HHAT: variants seen among roughly 807,000 people sequenced by gnomAD.
The protein encoded by HHAT is hedgehog acyltransferase.
In HHAT, 47 loss-of-function variants were observed where a neutral mutation model predicts 70.8. The ratio of observed to expected loss-of-function variants is 0.66; its 90% CI spans 0.53 to 0.85. The LOEUF is 0.85. Among genes scored for constraint, HHAT ranks in the 40% least tolerant of loss-of-function variants. HHAT has a pLI of 0.00. For missense variants in HHAT, 609 were observed against 604.8 expected, an observed-to-expected ratio of 1.01 and a Z score of -0.07; for synonymous variants, 228 against 247.6, an observed-to-expected ratio of 0.92 and a Z score of 0.74.
chr1:210,485,889 C>T (rs981087038), intron 8 of HHAT, among the ~76,000 whole-genome samples: 1 of 152,134 alleles, frequency 6.6e-6, no homozygotes, highest in Non-Finnish European at 1.5e-5. Flanking sequence ...CCATGTCAGT[C>T]TCAGACTGTA....
chr1:210,551,868 CA>C (rs1459818951), intron 9 of HHAT, among the ~76,000 whole-genome samples: 2 of 152,172 alleles, frequency 1.3e-5, no homozygotes, highest in Non-Finnish European at 2.9e-5. Context: ...AAAGTGAACC[CA>C]AGATTTTTAT....
intron 7 of HHAT, chr1:210,462,322 C>T (rs61828071): frequency 0.41 from 62,750 of 152,022 alleles, 13,866 homozygotes; most frequent in African/African-American, 0.58. Flanking sequence ...AAGCATTGTG[C>T]GCTTTAATCA....
chr1:210,503,328 C>G (rs76354655), intron 8 of HHAT, among the ~76,000 whole-genome samples: 2,188 of 152,242 alleles, frequency 0.014, 27 homozygotes, highest in Middle Eastern at 0.027. Context: ...GTTTAATTGT[C>G]CTACTAGAAC....
intron 7 of HHAT, among the ~76,000 whole-genome samples, chr1:210,447,612 T>C (rs1464592430): frequency 6.6e-6 from 1 of 152,174 alleles, no homozygotes; most frequent in Non-Finnish European, 1.5e-5. Flanking sequence ...GGTTCAGCAA[T>C]TTGCTTTGTC....
At chr1:210,549,064 T>G (rs2148678113) in intron 9 of HHAT, among the ~76,000 whole-genome samples, 1 of 152,370 alleles carries the variant, frequency 6.6e-6, no homozygotes, top group South Asian at 2.1e-4. Context: ...TGCCACTTAC[T>G]ACTTTGGGCA....
intron 3 of HHAT, among the ~76,000 whole-genome samples, chr1:210,369,541 G>A (rs566827630): frequency 6.1e-4 from 93 of 152,306 alleles, no homozygotes; most frequent in Admixed American, 1.1e-3. Flanking sequence ...ATTCCATTTT[G>A]ACTCATTTAA....
chr1:210,641,598 A>C (rs1042117608), intron 11 of HHAT, among the ~76,000 whole-genome samples: 17 of 152,242 alleles, frequency 1.1e-4, no homozygotes, highest in African/African-American at 3.6e-4. Flanking sequence ...GCAAATTTCC[A>C]TTATGATTGA....
intron 11 of HHAT, among the ~76,000 whole-genome samples, chr1:210,630,289 G>A (rs1302746203): frequency 2.0e-5 from 3 of 152,134 alleles, no homozygotes; most frequent in African/African-American, 7.2e-5. Flanking sequence ...AGGTCTGGGG[G>A]CTTAGAGGGT....
At chr1:210,627,738 T>C (rs60717945) in intron 11 of HHAT, among the ~76,000 whole-genome samples, 4,057 of 152,226 alleles carry the variant, frequency 0.027, 177 homozygotes, top group African/African-American at 0.093. Flanking sequence ...ATGTTTTTGC[T>C]TTAAAAAAAA....
intron 10 of HHAT, among the ~76,000 whole-genome samples, chr1:210,600,828 G>A (rs975923129): frequency 2.0e-5 from 3 of 152,004 alleles, no homozygotes; most frequent in African/African-American, 4.8e-5. Context: ...GCTGCTTGTC[G>A]ATTATTCCTA....
At chr1:210,449,231 C>T (rs1036746238) in intron 7 of HHAT, among the ~76,000 whole-genome samples, 1 of 152,070 alleles carries the variant, frequency 6.6e-6, no homozygotes, top group African/African-American at 2.4e-5. Flanking sequence ...CTCTATCTAG[C>T]TCCTTTTTCT....
chr1:210,638,502 T>G (rs1354190323), intron 11 of HHAT, among the ~76,000 whole-genome samples: 1 of 152,154 alleles, frequency 6.6e-6, no homozygotes, highest in Non-Finnish European at 1.5e-5. Flanking sequence ...GAATAGTAGT[T>G]GTCTGGAACT....
At chr1:210,379,143 T>A (rs2090446335) in intron 3 of HHAT, among the ~76,000 whole-genome samples, 1 of 152,218 alleles carries the variant, frequency 6.6e-6, no homozygotes, top group South Asian at 2.1e-4. Context: ...AGGGCTCTGG[T>A]GCCACATCTG....
intron 3 of HHAT, among the ~76,000 whole-genome samples, chr1:210,384,507 C>A (rs1265005771): frequency 6.6e-6 from 1 of 151,020 alleles, no homozygotes; most frequent in Non-Finnish European, 1.5e-5. Flanking sequence ...CAGGCCCCAC[C>A]CTTGATTGAC....
chr1:210,641,319 A>G (rs1672929731), intron 11 of HHAT, among the ~76,000 whole-genome samples: 1 of 152,140 alleles, frequency 6.6e-6, no homozygotes, highest in Admixed American at 6.5e-5. Context: ...AAAATTGAAG[A>G]CACCTGTTTA....
intron 9 of HHAT, among the ~76,000 whole-genome samples, chr1:210,587,532 G>T (rs1197802362): frequency 6.6e-6 from 1 of 152,204 alleles, no homozygotes; most frequent in African/African-American, 2.4e-5. Context: ...TGCCTTGAAG[G>T]TTGCTGGCCT....
intron 7 of HHAT, among the ~76,000 whole-genome samples, chr1:210,450,607 CTT>C (rs35916715): frequency 2.3e-4 from 32 of 140,834 alleles, no homozygotes; most frequent in Non-Finnish European, 2.5e-4. Flanking sequence ...CATTGTAAAT[CTT>C]TTTTTTTTTT....
intron 11 of HHAT, among the ~76,000 whole-genome samples, chr1:210,654,861 T>C (rs1408803497): frequency 1.3e-5 from 2 of 152,118 alleles, no homozygotes; most frequent in African/African-American, 2.4e-5. Flanking sequence ...ACAGGGAGGG[T>C]ACTATCACAG....
intron 3 of HHAT, among the ~76,000 whole-genome samples, chr1:210,365,834 T>C (rs1252180065): frequency 1.3e-5 from 2 of 152,010 alleles, no homozygotes; most frequent in Admixed American, 1.3e-4. Context: ...TAGGCTGGTC[T>C]CAAACTCCTG....
Sources: allele counts gnomAD v4.1 joint callset (sites outside exome capture counted in the v4.1 genomes callset), GRCh38; gene constraint gnomAD v4.1.1; transcripts MANE v1.5; gene names NCBI Gene and HGNC (gene_info 2026-07-23, HGNC 2026-07-21).